APP: variants seen among roughly 807,000 people sequenced by gnomAD.
APP encodes amyloid-beta precursor protein.
A neutral mutation model predicts 101.4 loss-of-function variants in APP; 31 were observed. The ratio of observed to expected loss-of-function variants is 0.31; its 90% CI spans 0.23 to 0.41. The LOEUF (loss-of-function observed/expected upper bound fraction) is 0.41. Among genes scored for constraint, APP ranks in the 10% least tolerant of loss-of-function variants. The pLI, the probability that APP is intolerant of heterozygous loss-of-function variation, is 1.00. For missense variants in APP, 839 were observed against 1,003.7 expected (o/e 0.84, Z 2.22); for synonymous variants, 366 against 364.4 (o/e 1.00, Z -0.05).
intron 3 of APP, among the ~76,000 whole-genome samples, chr21:26,053,740 C>T (rs1050604114): frequency 6.6e-6 from 1 of 152,160 alleles, no homozygotes; most frequent in Non-Finnish European, 1.5e-5. Flanking sequence ...TAAATCCCTA[C>T]TTTTCTTTCT....
intron 5 of APP, among the ~76,000 whole-genome samples, chr21:26,048,179 TG>T (rs1247503360): frequency 1.3e-5 from 2 of 150,802 alleles, no homozygotes; most frequent in Non-Finnish European, 3.0e-5. Flanking sequence ...AAAAATTAGC[TG>T]GGCATGCTGG....
Position 25,982,361 on chromosome 21 carries a change from G to C in APP, c.1207C>G (p.Arg403Gly). 1 of 1,613,768 alleles carries C rather than the reference G, an allele frequency of 6.2e-7. No homozygotes were observed. Among genetic ancestry groups the C allele is most frequent in the Non-Finnish European group, 8.5e-7 (1 of 1,179,852 alleles). ...KAKERLEAKH[R>G]ERMSQVMREW... ...AGACTTACCTGGGACATTCTCTCTC[G>C]GTGCTTGGCCTCAAGCCTCTCTTTG... The change falls in exon 9 of 18, where the codon CGA becomes GGA. Residue 403 changes from arginine to glycine, a missense_variant. Arg to Gly is a moderately radical substitution (Grantham distance 125, BLOSUM62 -2). Coordinates refer to ENST00000346798, the MANE Select transcript of APP (RefSeq NM_000484.4).
intron 1 of APP, among the ~76,000 whole-genome samples, chr21:26,147,527 T>C (rs2063177487): frequency 2.0e-5 from 3 of 152,210 alleles, no homozygotes; most frequent in Admixed American, 1.3e-4. Flanking sequence ...GTGTTTTAAA[T>C]ATAATACACT....
chr21:25,911,891 T>C lies in APP; in HGVS notation c.1759A>G (p.Ser587Gly). The change falls in exon 14 of 18, where the codon AGT (serine) becomes GGT (glycine). Residue 587 changes from serine to glycine, a missense_variant. Coordinates refer to ENST00000346798, the MANE Select transcript of APP (RefSeq NM_000484.4). ...GGCATGAGAGCATCGTTTCCGTAAC[T>C]GATCCTTGGTTCACTAATCATGTTG... ...LANMISEPRI[S>G]YGNDALMPSL... 1.2e-6 allele frequency: 2 copies of C among 1,614,236 alleles called. No individual in the cohort carries two copies. The highest frequency in any genetic ancestry group is 1.7e-6 in the Non-Finnish European group (2 of 1,180,036).
chr21:26,036,407 T>G (rs571936550), intron 5 of APP, among the ~76,000 whole-genome samples: 1 of 152,224 alleles, frequency 6.6e-6, no homozygotes, highest in South Asian at 2.1e-4. Context: ...AGGTAACCAA[T>G]TCTAAGAACT....
At chr21:26,033,113 G>A (rs115185333) in intron 5 of APP, among the ~76,000 whole-genome samples, 4,164 of 152,246 alleles carry the variant, frequency 0.027, 197 homozygotes, top group African/African-American at 0.095. Context: ...GGCACCCGTA[G>A]CAGATGAAGA....
chr21:26,103,775 A>G (rs975686426), intron 2 of APP, among the ~76,000 whole-genome samples: 7 of 152,116 alleles, frequency 4.6e-5, no homozygotes, highest in African/African-American at 1.7e-4. Flanking sequence ...CATTTACCTA[A>G]CGACGACTAG....
intron 1 of APP, among the ~76,000 whole-genome samples, chr21:26,164,780 C>T (rs913946426): frequency 3.3e-4 from 49 of 150,428 alleles, no homozygotes; most frequent in African/African-American, 1.2e-3. Flanking sequence ...CGCTTGAACC[C>T]AGGAGGCGGA....
intron 1 of APP, among the ~76,000 whole-genome samples, chr21:26,148,695 T>G (rs1601576067): frequency 6.6e-6 from 1 of 152,202 alleles, no homozygotes; most frequent in Admixed American, 6.5e-5. Context: ...CTCTAAGGAT[T>G]ATTCTGAAGG....
chr21:26,003,756 G>A (rs964307961), intron 6 of APP, among the ~76,000 whole-genome samples: 1 of 152,066 alleles, frequency 6.6e-6, no homozygotes, highest in Non-Finnish European at 1.5e-5. Context: ...AGAGCTTCTC[G>A]TTATAATTCC....
In APP at chr21:26,160,236, C is replaced by T. The variant is rs143264139; in HGVS notation, c.57+10328G>A. ...AAATTGCAATTTTGTCTCAAATGTACTCTTAAAAGTGAAACCCTCCACAAT... is the reference window on the plus strand; with the variant it reads ...AAATTGCAATTTTGTCTCAAATGTATTCTTAAAAGTGAAACCCTCCACAAT... On this transcript the variant is annotated intron_variant, in intron 1 of 17. Transcript: ENST00000346798. 3.3e-5 allele frequency among the ~76,000 whole-genome samples: 5 copies of T among 152,284 alleles called. No individual in the cohort carries two copies. The East Asian group carries it at 9.7e-4, about 29-fold the overall frequency.
chr21:25,965,820 T>G lies in APP; in HGVS notation c.1458+9250A>C, dbSNP rs558266857. On this transcript the variant is annotated intron_variant, in intron 11 of 17. Transcript: ENST00000346798. ...TGTCTACAAAAACTAAATATTTATA[T>G]TTTCATAATACATTTTCATTCTCAA... Among the ~76,000 whole-genome samples the G allele has an allele frequency of 3.3e-5, 5 of 152,360 alleles. No individual in the cohort carries two copies. The East Asian group carries it at 9.6e-4, about 29-fold the overall frequency.
At chr21:26,100,632 T>C (rs1187736371) in intron 2 of APP, among the ~76,000 whole-genome samples, 2 of 152,184 alleles carry the variant, frequency 1.3e-5, no homozygotes, top group African/African-American at 4.8e-5. Flanking sequence ...TTCAGTTATG[T>C]ATTTTAGAGG....
Position 26,170,632 on chromosome 21 carries a change from G to C in APP, c.-12C>G, listed in dbSNP as rs1445959431. 2 of 1,533,340 alleles carry C rather than the reference G, an allele frequency of 1.3e-6. No homozygotes were observed. The highest frequency in any genetic ancestry group is 2.4e-5 in the South Asian group (2 of 83,336). The allele number at this position is 1,533,340 out of a possible 1,614,324, so 95.0% of individuals were successfully genotyped here. A position where few individuals can be genotyped will look rare whatever the true frequency, so the allele number is the denominator to read the frequency against. On this transcript the variant is annotated 5_prime_UTR_variant, in exon 1 of 18. Transcript: ENST00000346798. ...AAACCGGGCAGCATCGCGACCCTGC[G>C]CGGGGCACCGAGTGCGCTGCTGTGC...
At chr21:26,079,732 A>G (rs2061559287) in intron 3 of APP, among the ~76,000 whole-genome samples, 1 of 152,198 alleles carries the variant, frequency 6.6e-6, no homozygotes, top group Non-Finnish European at 1.5e-5. Context: ...ACCGTGTGAA[A>G]TTTAAATTAT....
intron 1 of APP, among the ~76,000 whole-genome samples, chr21:26,128,515 T>A (rs2062728804): frequency 6.6e-6 from 1 of 152,228 alleles, no homozygotes; most frequent in African/African-American, 2.4e-5. Context: ...ATTAAATATA[T>A]CACTAGTAAT....
chr21:25,989,192 T>C (rs2042761153), intron 8 of APP, among the ~76,000 whole-genome samples: 1 of 152,236 alleles, frequency 6.6e-6, no homozygotes, highest in Non-Finnish European at 1.5e-5. Flanking sequence ...AACCTGCTAA[T>C]ATCTTCAGGA....
chr21:26,103,164 A>G (rs1291379469), intron 2 of APP, among the ~76,000 whole-genome samples: 1 of 152,210 alleles, frequency 6.6e-6, no homozygotes, highest in African/African-American at 2.4e-5. Context: ...TAATATTACA[A>G]CCAAATATTT....
intron 17 of APP, among the ~76,000 whole-genome samples, chr21:25,887,764 G>A (rs1280578752): frequency 6.6e-6 from 1 of 152,182 alleles, no homozygotes; most frequent in African/African-American, 2.4e-5. Context: ...ATGCTGCACA[G>A]GTGTGGAGCC....
Sources: gnomAD v4.1 joint callset for allele counts (sites outside exome capture counted in the v4.1 genomes callset) on GRCh38, gnomAD v4.1.1 for gene constraint, MANE v1.5 for transcripts, NCBI Gene and HGNC (gene_info 2026-07-23, HGNC 2026-07-21) for gene names.